Variants in PRPH observed in about 807,000 individuals in gnomAD.
PRPH encodes peripherin.
A neutral mutation model predicts 52.6 loss-of-function variants in PRPH; 48 were observed. The observed-to-expected ratio is 0.91, with a 90% CI of 0.72 to 1.16. The LOEUF (loss-of-function observed/expected upper bound fraction) is 1.16, where lower values mean the gene tolerates loss of function less well. Ranked by LOEUF, PRPH falls within the 50% of genes most tolerant of loss-of-function variation. The pLI is 0.00. For synonymous variants in PRPH, 279 were observed against 283.8 expected (o/e 0.98, Z 0.17); for missense variants, 579 against 635.7 (o/e 0.91, Z 0.96).
rs757526225 is a variant in PRPH, at chr12:49,296,510, A to C, written c.685A>C (p.Lys229Gln). 1 of 1,614,122 alleles carries C rather than the reference A, an allele frequency of 6.2e-7. No individual in the cohort carries two copies. Among genetic ancestry groups the C allele is most frequent in the Non-Finnish European group, 8.5e-7 (1 of 1,180,022 alleles). ...ESLMDEIEFL[K>Q]KLHEEELRDL... is the part of the protein sequence containing the mutation. Reference sequence around the variant, plus strand: ...TCTGATGGATGAGATTGAGTTCCTCAAGAAGCTGCACGAGGAGGTAAGTGG... The same window carrying C: ...TCTGATGGATGAGATTGAGTTCCTCCAGAAGCTGCACGAGGAGGTAAGTGG... The change falls in exon 3 of 9, where the codon AAG becomes CAG. Residue 229 changes from lysine (K) to glutamine (Q), a missense_variant. Lys to Gln is a moderately conservative substitution (Grantham distance 53). Transcript: ENST00000257860. This position sits in a 1 kb window ranked among gnomAD's most constrained non-coding sequence, Gnocchi z 5.1.
rs1395309706 is a variant in PRPH, at chr12:49,295,292, C to A, written c.92C>A (p.Ala31Asp). The A allele has an allele frequency of 6.2e-7, 1 of 1,611,850 alleles. No homozygotes were observed. ...FGPPPSLSPG[A>D]FSYSSSSRFS... ...CCACCGCCCTCACTATCCCCCGGGG[C>A]CTTCTCCTACTCGTCCAGCTCCCGC... The change falls in exon 1 of 9, where the codon GCC becomes GAC. Residue 31 changes from alanine (A) to aspartate (D), a missense_variant. Ala to Asp is a moderately radical substitution (Grantham distance 126). Transcript: ENST00000257860.
chr12:49,297,707 C>T lies in PRPH; in HGVS notation c.1248C>T (p.Ser416=). ...RISVPVHSFA[S]LNIKTTVPEV... is the part of the protein sequence containing the mutation. ...CCGTGCCCGTCCATTCTTTTGCCTC[C>T]TTAAATATAAAGACGACTGGTGAGT... Residue 416 remains serine (S), a synonymous_variant, in exon 7 of 9, where the codon TCC becomes TCT. Transcript: ENST00000257860. This position sits in a 1 kb window ranked among gnomAD's most constrained non-coding sequence, Gnocchi z 4.4. 6.2e-7 allele frequency: 1 copy of T among 1,613,752 alleles called. No homozygotes were observed.
In PRPH at chr12:49,296,625, G is replaced by C. The variant is rs113330960; in HGVS notation, c.702+98G>C. ...GAGGCATCGCCCTGGGGATCAGGACGATGCTGGGTAGACGCAGCCCCTCCA... is the reference window on the plus strand; with the variant it reads ...GAGGCATCGCCCTGGGGATCAGGACCATGCTGGGTAGACGCAGCCCCTCCA... On this transcript the variant is annotated intron_variant, in intron 3 of 8. Transcript: ENST00000257860. This position sits in a 1 kb window ranked among gnomAD's most constrained non-coding sequence, Gnocchi z 5.1. 43 of 1,233,498 alleles carry C rather than the reference G, an allele frequency of 3.5e-5. No individual in the cohort carries two copies. Among genetic ancestry groups the C allele is most frequent in the Non-Finnish European group, 4.6e-5 (39 of 856,308 alleles). 76.4% of individuals were successfully genotyped at this position (1,233,498 alleles called of 1,614,324 possible).
At position 49,297,283 on chromosome 12, in the gene PRPH, A is replaced by C; in HGVS notation, c.996+10A>C. On this transcript the variant is annotated intron_variant, in intron 5 of 8. Transcript: ENST00000257860. This position sits in a 1 kb window ranked among gnomAD's most constrained non-coding sequence, Gnocchi z 4.4. ...CGGGCTGCGCGGCACGGTGAGTACG[A>C]AGCTGCGCGCTCGGGCCCGGGGAGC... 1 of 1,613,822 alleles carries C rather than the reference A, an allele frequency of 6.2e-7. No individual in the cohort carries two copies. Among genetic ancestry groups the C allele is most frequent in the South Asian group, 1.1e-5 (1 of 91,086 alleles).
In PRPH at chr12:49,297,392, G is replaced by A. The variant is rs1315602806; in HGVS notation, c.1032G>A (p.Glu344=). Residue 344 remains glutamate, a synonymous_variant, in exon 6 of 9, where the codon GAG becomes GAA. Transcript: ENST00000257860. The surrounding 1 kb of genome is among the most constrained non-coding windows in gnomAD (Gnocchi z 4.4). The stretch of plus-strand genomic sequence containing the variant: ...TGCTCAGGCAGTTGAGAGAGCTGGA[G>A]GAGCAGTTCGCCCTGGAGGCGGGGG... ...EALLRQLREL[E]EQFALEAGGY... is the part of the protein sequence containing the mutation. 1 of 1,613,448 alleles carries A rather than the reference G, an allele frequency of 6.2e-7. No individual in the cohort carries two copies.
Position 49,296,427 on chromosome 12 carries a change from C to T in PRPH, c.607-5C>T. On this transcript the variant is annotated splice_region_variant and splice_polypyrimidine_tract_variant and intron_variant, in intron 2 of 8. Coordinates refer to ENST00000257860, the MANE Select transcript of PRPH (RefSeq NM_006262.4). This position sits in a 1 kb window ranked among gnomAD's most constrained non-coding sequence, Gnocchi z 5.1. ...ATCTTGAACCTCCACTGCCACCCCT[C>T]GAAGGACGTGGACGATGCCACTCTG... 5.6e-6 allele frequency: 9 copies of T among 1,613,892 alleles called. No homozygotes were observed. The highest frequency in any genetic ancestry group is 6.8e-6 in the Non-Finnish European group (8 of 1,179,814).
intron 1 of PRPH, chr12:49,295,954 G>A (rs1943172890): frequency 1.4e-6 from 2 of 1,439,838 alleles, no homozygotes; most frequent in Non-Finnish European, 1.8e-6. Flanking sequence ...TGGGGAGGTG[G>A]GAGAAGTGGG....
chr12:49,298,033 G>A lies in PRPH; in HGVS notation c.1343G>A (p.Gly448Glu). The A allele has an allele frequency of 1.2e-6, 2 of 1,614,158 alleles. No homozygotes were observed. Among genetic ancestry groups the A allele is most frequent in the East Asian group, 2.2e-5 (1 of 44,882 alleles). Reference sequence around the variant, plus strand: ...ATCAAGACCATTGAGACCCGGAATGGGGAGGTGAGGCAGGTCCCCTAATGC... The same window carrying A: ...ATCAAGACCATTGAGACCCGGAATGAGGAGGTGAGGCAGGTCCCCTAATGC... ...VLIKTIETRN[G>E]EVVTESQKEQ... Residue 448 changes from glycine to glutamate, a missense_variant, in exon 8 of 9, where the codon GGG becomes GAG. Gly to Glu is a moderately conservative substitution (Grantham distance 98). Coordinates refer to ENST00000257860, the MANE Select transcript of PRPH (RefSeq NM_006262.4).
rs1409769360 is a variant in PRPH, at chr12:49,297,282, G to A, written c.996+9G>A. On this transcript the variant is annotated intron_variant, in intron 5 of 8. Transcript: ENST00000257860. This position sits in a 1 kb window ranked among gnomAD's most constrained non-coding sequence, Gnocchi z 4.4. Reference sequence around the variant, plus strand: ...ACGGGCTGCGCGGCACGGTGAGTACGAAGCTGCGCGCTCGGGCCCGGGGAG... The same window carrying A: ...ACGGGCTGCGCGGCACGGTGAGTACAAAGCTGCGCGCTCGGGCCCGGGGAG... The A allele has an allele frequency of 1.2e-6, 2 of 1,613,834 alleles. No homozygotes were observed. The highest frequency in any genetic ancestry group is 8.5e-7 in the Non-Finnish European group (1 of 1,179,960).
In PRPH at chr12:49,297,561, G is replaced by A; in HGVS notation, c.1201G>A (p.Glu401Lys). 6.2e-7 allele frequency: 1 copy of A among 1,611,966 alleles called. No homozygotes were observed. The highest frequency in any genetic ancestry group is 8.5e-7 in the Non-Finnish European group (1 of 1,179,844). The change falls in exon 6 of 9, where the codon GAG becomes AAG. Residue 401 changes from glutamate to lysine, a missense_variant. Coordinates refer to ENST00000257860, the MANE Select transcript of PRPH (RefSeq NM_006262.4). The surrounding 1 kb of genome is among the most constrained non-coding windows in gnomAD (Gnocchi z 4.4). ...IEIATYRKLL[E>K]GEESRISVPV... ...GATCGCCACCTACCGCAAGCTGCTGGAGGGCGAGGAGAGCCGGTGAGGGTG... is the reference window on the plus strand; with the variant it reads ...GATCGCCACCTACCGCAAGCTGCTGAAGGGCGAGGAGAGCCGGTGAGGGTG...
rs1943168153 is a variant in PRPH, at chr12:49,295,706, G to A, written c.506G>A (p.Arg169His). ...GRERDRVQVERDGLAEDLAAL... is the reference protein window; with the variant it reads ...GRERDRVQVEHDGLAEDLAAL... ...GAGCGTGACCGGGTGCAGGTGGAGC[G>A]CGACGGGCTGGCGGAGGACCTGGCG... The change falls in exon 1 of 9, where the codon CGC becomes CAC. Residue 169 changes from arginine to histidine, a missense_variant. Arg to His is a conservative substitution (Grantham distance 29). Transcript: ENST00000257860. 1.3e-6 allele frequency: 2 copies of A among 1,526,946 alleles called. No individual in the cohort carries two copies. Among genetic ancestry groups the A allele is most frequent in the South Asian group, 1.2e-5 (1 of 82,248 alleles). The allele number at this position is 1,526,946 out of a possible 1,614,324, so 94.6% of individuals were successfully genotyped here.
Position 49,297,734 on chromosome 12 carries a change from TG to T in PRPH, c.1267+10del. On this transcript the variant is annotated intron_variant, in intron 7 of 8. Transcript: ENST00000257860. The surrounding 1 kb of genome is among the most constrained non-coding windows in gnomAD (Gnocchi z 4.4). ...TAAATATAAAGACGACTGGTGAGTC[TG>T]GCTTACAGCCTGTACCTCTCCTTGT... The T allele has an allele frequency of 6.2e-7, 1 of 1,610,854 alleles. No homozygotes were observed. Among genetic ancestry groups the T allele is most frequent in the South Asian group, 1.1e-5 (1 of 91,088 alleles).
rs1592298829 is a variant in PRPH, at chr12:49,298,608, A to C, written c.*255A>C. 2 of 516,180 alleles carry C rather than the reference A, an allele frequency of 3.9e-6. No individual in the cohort carries two copies. Among genetic ancestry groups the C allele is most frequent in the South Asian group, 2.3e-5 (1 of 43,550 alleles). 32.0% of individuals were successfully genotyped at this position (516,180 alleles called of 1,614,324 possible). A position where few individuals can be genotyped will look rare whatever the true frequency, so the allele number is the denominator to read the frequency against. On this transcript the variant is annotated 3_prime_UTR_variant, in exon 9 of 9. Coordinates refer to ENST00000257860, the MANE Select transcript of PRPH (RefSeq NM_006262.4). ...AATGATCCCCCCTCAGGACAAATCT[A>C]CTCCAGCCACGATGAGAAGTGGGTG...
At position 49,297,411 on chromosome 12, in the gene PRPH, G is replaced by T; in HGVS notation, c.1051G>T (p.Ala351Ser). 2 of 1,613,476 alleles carry T rather than the reference G, an allele frequency of 1.2e-6. No homozygotes were observed. The highest frequency in any genetic ancestry group is 1.1e-5 in the South Asian group (1 of 91,082). Residue 351 changes from alanine (A) to serine (S), a missense_variant, in exon 6 of 9, where the codon GCG (alanine) becomes TCG (serine). Physicochemically the swap from Ala to Ser is moderately conservative, Grantham distance 99. Coordinates refer to ENST00000257860, the MANE Select transcript of PRPH (RefSeq NM_006262.4). This position sits in a 1 kb window ranked among gnomAD's most constrained non-coding sequence, Gnocchi z 4.4. ...RELEEQFALEAGGYQAGAARL... is the reference protein window; with the variant it reads ...RELEEQFALESGGYQAGAARL... ...GCTGGAGGAGCAGTTCGCCCTGGAG[G>T]CGGGGGGCTACCAGGCGGGCGCTGC...
rs557421262 is a variant in PRPH, at chr12:49,296,539, C to G, written c.702+12C>G. On this transcript the variant is annotated intron_variant, in intron 3 of 8. Coordinates refer to ENST00000257860, the MANE Select transcript of PRPH (RefSeq NM_006262.4). This position sits in a 1 kb window ranked among gnomAD's most constrained non-coding sequence, Gnocchi z 5.1. ...AGCTGCACGAGGAGGTAAGTGGGCC[C>G]GGTATCAGGGGCGGTTTCTGAGGTT... 1.9e-6 allele frequency: 3 copies of G among 1,612,864 alleles called. No homozygotes were observed. The highest frequency in any genetic ancestry group is 2.2e-5 in the East Asian group (1 of 44,866).
In PRPH at chr12:49,297,124, G is replaced by A; in HGVS notation, c.871-24G>A. On this transcript the variant is annotated intron_variant, in intron 4 of 8. Transcript: ENST00000257860. The surrounding 1 kb of genome is among the most constrained non-coding windows in gnomAD (Gnocchi z 4.4). ...GTGTCGCGCGTCCCAGCCGACTAAA[G>A]CCTGGGTTACCCCCACTTCTCAGTA... The A allele has an allele frequency of 6.2e-7, 1 of 1,613,998 alleles. No individual in the cohort carries two copies. The highest frequency in any genetic ancestry group is 1.3e-5 in the African/African-American group (1 of 75,038).
At position 49,298,469 on chromosome 12, in the gene PRPH, T is replaced by C; in HGVS notation, c.*116T>C. On this transcript the variant is annotated 3_prime_UTR_variant, in exon 9 of 9. Coordinates refer to ENST00000257860, the MANE Select transcript of PRPH (RefSeq NM_006262.4). ...TGTGTCTAAAAGGTGGTACCAGGCATCCCTTTCCTGGCTTATGGCCAAGCC... is the reference window on the plus strand; with the variant it reads ...TGTGTCTAAAAGGTGGTACCAGGCACCCCTTTCCTGGCTTATGGCCAAGCC... 1 of 1,204,152 alleles carries C rather than the reference T, an allele frequency of 8.3e-7. No homozygotes were observed. Among genetic ancestry groups the C allele is most frequent in the Admixed American group, 2.0e-5 (1 of 51,256 alleles). The allele number at this position is 1,204,152 out of a possible 1,614,324, so 74.6% of individuals were successfully genotyped here.
At position 49,297,548 on chromosome 12, in the gene PRPH, C is replaced by A. The variant is rs1943203477; in HGVS notation, c.1188C>A (p.Tyr396Ter). The A allele has an allele frequency of 6.2e-7, 1 of 1,611,958 alleles. No individual in the cohort carries two copies. The change falls in exon 6 of 9, where the codon TAC becomes TAA. Residue 396 changes from tyrosine (Y) to a stop codon, truncating the protein, a stop_gained. Transcript: ENST00000257860. LOFTEE classifies it high-confidence loss of function. The surrounding 1 kb of genome is among the most constrained non-coding windows in gnomAD (Gnocchi z 4.4). ...CCCTGGACATCGAGATCGCCACCTA[C>A]CGCAAGCTGCTGGAGGGCGAGGAGA... ...KMALDIEIAT[Y>*]RKLLEGEESR...
rs377519456 is a variant in PRPH, at chr12:49,296,953, C to T, written c.767C>T (p.Thr256Met). 8.1e-6 allele frequency: 13 copies of T among 1,613,444 alleles called. No individual in the cohort carries two copies. The highest frequency in any genetic ancestry group is 9.3e-6 in the Non-Finnish European group (11 of 1,179,930). Residue 256 changes from threonine (T) to methionine (M), a missense_variant, in exon 4 of 9, where the codon ACG becomes ATG. By Grantham distance (81) the Thr-to-Met change is moderately conservative. Coordinates refer to ENST00000257860, the MANE Select transcript of PRPH (RefSeq NM_006262.4). This position sits in a 1 kb window ranked among gnomAD's most constrained non-coding sequence, Gnocchi z 5.1. ...QQVQQVEVEA[T>M]VKPELTAALR... ...GTGCAGCAGGTGGAGGTGGAAGCCA[C>T]GGTGAAGCCCGAGCTGACGGCAGCG...
Sources: gnomAD v4.1 joint callset for allele counts on GRCh38, gnomAD v4.1.1 for gene constraint, Gnocchi (gnomAD v3.1) non-coding constraint, MANE v1.5 for transcripts, NCBI Gene and HGNC (gene_info 2026-07-23, HGNC 2026-07-21) for gene names.